The following FAM210A variants were observed in gnomAD, a reference collection of about 807,000 sequenced individuals.
The protein encoded by FAM210A is family with sequence similarity 210 member A.
FAM210A carries 13 observed loss-of-function variants against 25.3 expected under a neutral mutation model. The observed-to-expected ratio is 0.51, with a 90% CI of 0.33 to 0.82. FAM210A has a LOEUF of 0.82. Ranked by LOEUF, FAM210A falls within the 40% of genes least tolerant of loss-of-function variation. The pLI is 0.02. For synonymous variants in FAM210A, 125 were observed against 118.7 expected, an observed-to-expected ratio of 1.05 and a Z score of -0.35; for missense variants, 319 against 323.2, an observed-to-expected ratio of 0.99 and a Z score of 0.10.
At chr18:13,693,378 T>TC (rs1402086321) in intron 1 of FAM210A, among the ~76,000 whole-genome samples, 1 of 152,222 alleles carries the variant, frequency 6.6e-6, no homozygotes, top group East Asian at 1.9e-4. Context: ...GAGGGAATCC[T>TC]CCCTAACTCA....
At chr18:13,685,077 C>T (rs1285563855) in intron 1 of FAM210A, among the ~76,000 whole-genome samples, 2 of 152,058 alleles carry the variant, frequency 1.3e-5, no homozygotes, top group African/African-American at 2.4e-5. Context: ...AAACTTTGAC[C>T]TTTTTCCTCT....
intron 1 of FAM210A, among the ~76,000 whole-genome samples, chr18:13,691,301 G>A (rs2043642446): frequency 6.6e-6 from 1 of 152,180 alleles, no homozygotes. Flanking sequence ...GAAAGTGATG[G>A]GGAGAATGAA....
intron 1 of FAM210A, among the ~76,000 whole-genome samples, chr18:13,707,547 G>A (rs1270637227): frequency 6.6e-6 from 1 of 152,164 alleles, no homozygotes; most frequent in Non-Finnish European, 1.5e-5. Context: ...ATTTATGATG[G>A]TAATAGTGAC....
In FAM210A at chr18:13,666,388, TA is replaced by T; in HGVS notation, c.*91del. On this transcript the variant is annotated 3_prime_UTR_variant, in exon 4 of 4. Coordinates refer to ENST00000651643, the MANE Select transcript of FAM210A (RefSeq NM_152352.4). Reference sequence around the variant, plus strand: ...CAGAGAACTAGTATATTTCGGCAACTAACCAAAAAAATAATCAGACACATGT... The same window carrying T: ...CAGAGAACTAGTATATTTCGGCAACTACCAAAAAAATAATCAGACACATGT... 2 of 1,044,754 alleles carry T rather than the reference TA, an allele frequency of 1.9e-6. No homozygotes were observed. The highest frequency in any genetic ancestry group is 2.8e-6 in the Non-Finnish European group (2 of 716,908). 64.7% of individuals were successfully genotyped at this position (1,044,754 alleles called of 1,614,324 possible). A position where few individuals can be genotyped will look rare whatever the true frequency, so the allele number is the denominator to read the frequency against.
chr18:13,666,681 CAAAGTCACGGTA>C lies in FAM210A; in HGVS notation c.606_617del (p.Tyr202_Leu206delinsTer). ...ACTTCACAGTGACAGATGTTCCTCC[CAAAGTCACGGTA>C]TACCGAGCAGGTGTTGCAATCTTAA... On this transcript the variant is annotated stop_gained and inframe_deletion, in exon 4 of 4. Transcript: ENST00000651643. LOFTEE classifies it high-confidence loss of function. 6.2e-7 allele frequency: 1 copy of C among 1,614,034 alleles called. No individual in the cohort carries two copies. Among genetic ancestry groups the C allele is most frequent in the East Asian group, 2.2e-5 (1 of 44,880 alleles).
chr18:13,695,228 G>T (rs2043682336), intron 1 of FAM210A, among the ~76,000 whole-genome samples: 1 of 152,210 alleles, frequency 6.6e-6, no homozygotes, highest in Non-Finnish European at 1.5e-5. Context: ...ATGCTGGAGA[G>T]GATGTGGAGA....
intron 1 of FAM210A, among the ~76,000 whole-genome samples, chr18:13,699,744 CG>C (rs1568485394): frequency 5.3e-5 from 8 of 152,130 alleles, no homozygotes; most frequent in African/African-American, 1.9e-4. Flanking sequence ...CCTTTTATCG[CG>C]TGGTATTTAT....
chr18:13,725,059 C>T (rs1467369094), intron 1 of FAM210A, among the ~76,000 whole-genome samples: 1 of 152,204 alleles, frequency 6.6e-6, no homozygotes, highest in African/African-American at 2.4e-5. Flanking sequence ...AAGTGAGCCA[C>T]TGCACCCGGT....
intron 2 of FAM210A, among the ~76,000 whole-genome samples, chr18:13,674,804 G>A (rs1443617230): frequency 2.3e-4 from 23 of 102,140 alleles, no homozygotes; most frequent in Non-Finnish European, 2.5e-4. Flanking sequence ...CCTGAGCCCC[G>A]ACTTCATTTC....
At chr18:13,709,724 A>G (rs1568488127) in intron 1 of FAM210A, among the ~76,000 whole-genome samples, 1 of 152,226 alleles carries the variant, frequency 6.6e-6, no homozygotes, top group African/African-American at 2.4e-5. Flanking sequence ...GCCTAAAACT[A>G]AGGCTTGCTG....
At chr18:13,679,433 C>T (rs1824181136) in intron 2 of FAM210A, among the ~76,000 whole-genome samples, 3 of 152,172 alleles carry the variant, frequency 2.0e-5, no homozygotes, top group African/African-American at 4.8e-5. Flanking sequence ...TGAAAATATT[C>T]GAATTCCTTT....
At chr18:13,700,658 C>T (rs555107622) in intron 1 of FAM210A, among the ~76,000 whole-genome samples, 3 of 152,314 alleles carry the variant, frequency 2.0e-5, no homozygotes, top group Admixed American at 2.0e-4. Context: ...CTCCAAACCT[C>T]TCGGGAAGGC....
intron 1 of FAM210A, among the ~76,000 whole-genome samples, chr18:13,715,563 T>C (rs1409833936): frequency 6.6e-6 from 1 of 152,204 alleles, no homozygotes; most frequent in Non-Finnish European, 1.5e-5. Context: ...GTCACTTTCA[T>C]TATACTGTGA....
At chr18:13,675,165 A>G (rs11665275) in intron 2 of FAM210A, among the ~76,000 whole-genome samples, 72,093 of 77,944 alleles carry the variant, frequency 0.92, 33,699 homozygotes, top group East Asian at 0.97. Flanking sequence ...CCTGAGCCCC[A>G]GCTTCTTTAT....
chr18:13,671,216 G>A (rs8098974), intron 3 of FAM210A, among the ~76,000 whole-genome samples: 10,537 of 152,054 alleles, frequency 0.069, 594 homozygotes, highest in African/African-American at 0.15. Flanking sequence ...TCTGTACAGG[G>A]GAGCTTCTTC....
At chr18:13,702,479 T>C (rs1348540960) in intron 1 of FAM210A, among the ~76,000 whole-genome samples, 2 of 152,208 alleles carry the variant, frequency 1.3e-5, no homozygotes, top group Non-Finnish European at 2.9e-5. Context: ...ACAAAAAAAC[T>C]GTACGAGGTC....
At chr18:13,668,307 CCCT>C (rs1282577459) in intron 3 of FAM210A, among the ~76,000 whole-genome samples, 9 of 152,214 alleles carry the variant, frequency 5.9e-5, no homozygotes, top group Admixed American at 1.3e-4. Flanking sequence ...TGGCTCCAGG[CCCT>C]CAACTTGCTG....
At chr18:13,684,322 C>T (rs1453922948) in intron 1 of FAM210A, among the ~76,000 whole-genome samples, 4 of 152,006 alleles carry the variant, frequency 2.6e-5, no homozygotes, top group African/African-American at 2.4e-5. Flanking sequence ...TCATTTGAAC[C>T]CCAGAGGTGG....
intron 2 of FAM210A, among the ~76,000 whole-genome samples, chr18:13,677,954 C>A (rs927171067): frequency 1.3e-5 from 2 of 152,090 alleles, no homozygotes; most frequent in African/African-American, 4.8e-5. Flanking sequence ...CAAGAAAGGA[C>A]TATTAAAATT....
Sources: allele counts gnomAD v4.1 joint callset (sites outside exome capture counted in the v4.1 genomes callset), GRCh38; gene constraint gnomAD v4.1.1; transcripts MANE v1.5; gene names NCBI Gene and HGNC (gene_info 2026-07-23, HGNC 2026-07-21).